The following PCDHA6 variants were observed in gnomAD, a reference collection of about 807,000 sequenced individuals.
PCDHA6 encodes the protein protocadherin alpha 6.
In PCDHA6, 55 loss-of-function variants were observed where a neutral mutation model predicts 60.3. The ratio of observed to expected loss-of-function variants is 0.91; its 90% CI spans 0.73 to 1.14. The LOEUF (loss-of-function observed/expected upper bound fraction) is 1.14. PCDHA6 is among the 50% of genes most tolerant of loss of function. The pLI is 0.00. For missense variants in PCDHA6, 1,327 were observed against 1,256.5 expected (o/e 1.06, Z -0.85); for synonymous variants, 652 against 557.9 (o/e 1.17, Z -2.38).
rs202032784 is a variant in PCDHA6, at chr5:140,927,180, C to T, written c.2395-51769C>T. On this transcript the variant is annotated intron_variant, in intron 1 of 3. Coordinates refer to ENST00000529310, the MANE Select transcript of PCDHA6 (RefSeq NM_018909.4). ...GGGCCAAAGCTGCCTGCGTCTTGAC[C>T]TACGACCTGGTGCTCGAGGACCCGC... is the stretch of plus-strand genomic sequence containing the variant. 5 of 1,614,048 alleles carry T rather than the reference C, an allele frequency of 3.1e-6. No homozygotes were observed. The South Asian group carries it at 3.3e-5, about 11-fold the overall frequency.
chr5:140,948,602 A>G (rs537329393), intron 1 of PCDHA6, among the ~76,000 whole-genome samples: 2 of 151,590 alleles, frequency 1.3e-5, no homozygotes, highest in Non-Finnish European at 3.0e-5. Context: ...AATTTATCAT[A>G]TTTTTGGCAC....
chr5:140,869,963 A>G lies in PCDHA6; in HGVS notation c.2394+39478A>G, dbSNP rs782588471. 11 of 1,613,128 alleles carry G rather than the reference A, an allele frequency of 6.8e-6. No homozygotes were observed. Among genetic ancestry groups the G allele is most frequent in the East Asian group, 2.2e-5 (1 of 44,874 alleles). On this transcript the variant is annotated intron_variant, in intron 1 of 3. Coordinates refer to ENST00000529310, the MANE Select transcript of PCDHA6 (RefSeq NM_018909.4). ...TACTCCTTAATGTCAATTAAGCCCA[A>G]TGGAAGACACTTATTTACACTAGAT...
intron 1 of PCDHA6, chr5:140,869,015 A>G (rs2050795044): frequency 6.6e-7 from 1 of 1,524,382 alleles, no homozygotes; most frequent in Non-Finnish European, 8.8e-7. Flanking sequence ...GAAACTTCTT[A>G]AGAATTCAAC....
chr5:140,943,450 T>C (rs2093496924), intron 1 of PCDHA6, among the ~76,000 whole-genome samples: 1 of 152,012 alleles, frequency 6.6e-6, no homozygotes, highest in Non-Finnish European at 1.5e-5. Context: ...ATAGAATTGA[T>C]AAGGCTAAAT....
At chr5:140,941,718 T>G (rs910042752) in intron 1 of PCDHA6, among the ~76,000 whole-genome samples, 1 of 152,204 alleles carries the variant, frequency 6.6e-6, no homozygotes, top group African/African-American at 2.4e-5. Context: ...CCACAATTTG[T>G]CCTAGCAGTT....
At chr5:140,929,293 A>G in intron 1 of PCDHA6, 1 of 1,594,458 alleles carries the variant, frequency 6.3e-7, no homozygotes, top group Non-Finnish European at 8.6e-7. Flanking sequence ...GATTCGGAAT[A>G]GGAAAGGGGA....
intron 1 of PCDHA6, chr5:140,870,674 A>G (rs893862947): frequency 7.4e-6 from 12 of 1,612,566 alleles, no homozygotes; most frequent in Admixed American, 6.7e-5. Flanking sequence ...CCGTTGGACC[A>G]CGAGGAGCTG....
chr5:140,861,928 T>G (rs1225434437), intron 1 of PCDHA6: 1 of 154,028 alleles, frequency 6.5e-6, no homozygotes, highest in Non-Finnish European at 1.4e-5. Flanking sequence ...ATGTAAATGA[T>G]GATGCCCAGT....
intron 1 of PCDHA6, chr5:140,927,200 A>C (rs2083965383): frequency 6.2e-7 from 1 of 1,613,898 alleles, no homozygotes; most frequent in Non-Finnish European, 8.5e-7. Context: ...GTGCTCGAGG[A>C]CCCGCTGGAG....
chr5:140,879,125 A>C (rs1251255000), intron 1 of PCDHA6, among the ~76,000 whole-genome samples: 2 of 152,244 alleles, frequency 1.3e-5, no homozygotes, highest in African/African-American at 2.4e-5. Flanking sequence ...GGATTAGAGC[A>C]GGGGAGATTG....
At position 140,848,645 on chromosome 5, in the gene PCDHA6, G is replaced by T; in HGVS notation, c.2394+18160G>T. 1.9e-6 allele frequency: 3 copies of T among 1,593,204 alleles called. 1 individual carries two copies. The highest frequency in any genetic ancestry group is 2.6e-6 in the Non-Finnish European group (3 of 1,163,878). Reference sequence around the variant, plus strand: ...GCACCTTCGTGGGCCGCATCGCGCAGGACCTGGGGCTGGAGCTGGCGGAGC... The same window carrying T: ...GCACCTTCGTGGGCCGCATCGCGCATGACCTGGGGCTGGAGCTGGCGGAGC... On this transcript the variant is annotated intron_variant, in intron 1 of 3. Coordinates refer to ENST00000529310, the MANE Select transcript of PCDHA6 (RefSeq NM_018909.4).
intron 1 of PCDHA6, chr5:140,967,826 G>A (rs782046643): frequency 1.2e-6 from 2 of 1,614,168 alleles, no homozygotes; most frequent in East Asian, 4.5e-5. Context: ...GGTGCTGGTG[G>A]ACATCGTGGA....
At chr5:140,987,893 G>A (rs571929057) in intron 3 of PCDHA6, among the ~76,000 whole-genome samples, 82 of 152,138 alleles carry the variant, frequency 5.4e-4, no homozygotes, top group Admixed American at 1.5e-3. Context: ...ATGTGCCCTA[G>A]TTTTATATGG....
chr5:140,936,831 A>T lies in PCDHA6; in HGVS notation c.2395-42118A>T, dbSNP rs142448727. 3.1e-3 allele frequency among the ~76,000 whole-genome samples: 478 copies of T among 152,252 alleles called. 2 individuals are homozygous for T. Among genetic ancestry groups the T allele is most frequent in the African/African-American group, 0.011 (455 of 41,554 alleles). Reference sequence around the variant, plus strand: ...GCTATTTTTGGCCCTTTGCATTTCTATATAAATTGTAGATTCAGCTTCTCA... The same window carrying T: ...GCTATTTTTGGCCCTTTGCATTTCTTTATAAATTGTAGATTCAGCTTCTCA... On this transcript the variant is annotated intron_variant, in intron 1 of 3. Transcript: ENST00000529310.
At chr5:140,984,976 C>A (rs905264957) in intron 3 of PCDHA6, among the ~76,000 whole-genome samples, 8 of 151,910 alleles carry the variant, frequency 5.3e-5, no homozygotes, top group African/African-American at 1.9e-4. Flanking sequence ...CTCGCTCTGT[C>A]CCCCAGGCTG....
chr5:140,834,771 C>G (rs2150226115), intron 1 of PCDHA6: 1 of 1,613,992 alleles, frequency 6.2e-7, no homozygotes, highest in East Asian at 2.2e-5. Context: ...TAACGACAAC[C>G]CTCCGGTGTT....
At chr5:140,937,658 A>T (rs1045534345) in intron 1 of PCDHA6, among the ~76,000 whole-genome samples, 2 of 151,280 alleles carry the variant, frequency 1.3e-5, no homozygotes, top group Non-Finnish European at 2.9e-5. Flanking sequence ...CACGCCTGTA[A>T]TCCCAGCACT....
At chr5:140,868,887 GGC>G in intron 1 of PCDHA6, 1 of 740,170 alleles carries the variant, frequency 1.4e-6, no homozygotes, top group Non-Finnish European at 2.1e-6. Context: ...CACAGTTTTA[GGC>G]GCAAGGTGTC....
intron 1 of PCDHA6, among the ~76,000 whole-genome samples, chr5:140,838,247 G>A (rs1775616810): frequency 1.3e-5 from 2 of 149,910 alleles, no homozygotes; most frequent in African/African-American, 4.9e-5. Context: ...CCAAGTAGCT[G>A]GGATTAAAGA....
Sources: gnomAD v4.1 joint callset for allele counts (sites outside exome capture counted in the v4.1 genomes callset) on GRCh38, gnomAD v4.1.1 for gene constraint, MANE v1.5 for transcripts, NCBI Gene and HGNC (gene_info 2026-07-23, HGNC 2026-07-21) for gene names.